Variants in EPG5 observed in about 807,000 individuals in gnomAD.
EPG5 encodes ectopic P-granules 5 autophagy tethering factor, also known as ectopic P granules protein 5 homolog.
In EPG5, 159 loss-of-function variants were observed where a neutral mutation model predicts 302.7. That is an observed-to-expected ratio of 0.53 (90% confidence interval 0.46 to 0.60). The LOEUF is 0.60. EPG5 is among the 20% of genes least tolerant of loss of function. The pLI, the probability that EPG5 is intolerant of heterozygous loss-of-function variation, is 0.00. For synonymous variants in EPG5, 1,158 were observed against 1,136.8 expected (o/e 1.02, Z -0.37); for missense variants, 2,896 against 3,092.4 (o/e 0.94, Z 1.51).
chr18:45,809,677 C>G, the EPG5 span, among the ~76,000 whole-genome samples: 1 of 152,052 alleles, frequency 6.6e-6, no homozygotes, highest in South Asian at 2.1e-4. Context: ...AACTAAACGA[C>G]AATAGTGACA....
chr18:45,824,827 G>A, the EPG5 span, among the ~76,000 whole-genome samples: 2 of 152,078 alleles, frequency 1.3e-5, no homozygotes, highest in African/African-American at 2.4e-5. Context: ...AGAGAGTATG[G>A]TAACAGGCTC....
chr18:45,821,720 T>C, the EPG5 span, among the ~76,000 whole-genome samples: 3 of 152,158 alleles, frequency 2.0e-5, no homozygotes, highest in Admixed American at 2.0e-4. Context: ...CTGCAAGGGG[T>C]TAATATACAA....
In EPG5 at chr18:45,922,396, C is replaced by T. The variant is rs1250948604; in HGVS notation, c.3043G>A (p.Ala1015Thr). 6.2e-7 allele frequency: 1 copy of T among 1,614,220 alleles called. No homozygotes were observed. The highest frequency in any genetic ancestry group is 1.1e-5 in the South Asian group (1 of 91,086). ...TFHPLLKAVKAGMPIGCYLAL... is the reference protein window; with the variant it reads ...TFHPLLKAVKTGMPIGCYLAL... ...AGATAACAGCCAATGGGCATGCCCG[C>T]TTTCACAGCCTTCAAGAGAGGATGA... Residue 1015 changes from alanine (A) to threonine (T), a missense_variant, in exon 16 of 44, where the codon GCG (alanine) becomes ACG (threonine). Ala to Thr is a moderately conservative substitution (Grantham distance 58). Coordinates refer to ENST00000282041, the MANE Select transcript of EPG5 (RefSeq NM_020964.3).
chr18:45,904,088 C>T lies in EPG5; in HGVS notation c.4359G>A (p.Glu1453=). The T allele has an allele frequency of 6.2e-7, 1 of 1,612,502 alleles. No individual in the cohort carries two copies. The highest frequency in any genetic ancestry group is 8.5e-7 in the Non-Finnish European group (1 of 1,179,742). ...QDLWMEYLNM[E]RIYHEFQETV... ...TCTCCTGAAACTCATGATAGATGCG[C>T]TCCATGTTCAAATACTCCATCCACA... Residue 1453 remains glutamate, a synonymous_variant, in exon 25 of 44, where the codon GAG becomes GAA. Coordinates refer to ENST00000282041, the MANE Select transcript of EPG5 (RefSeq NM_020964.3).
At chr18:45,886,192 T>C (rs948493079) in intron 29 of EPG5, among the ~76,000 whole-genome samples, 2 of 152,216 alleles carry the variant, frequency 1.3e-5, no homozygotes, top group African/African-American at 4.8e-5. Flanking sequence ...ACAGCAATCA[T>C]ACCTCTAAGA....
chr18:45,822,657 T>A, the EPG5 span, among the ~76,000 whole-genome samples: 33 of 152,290 alleles, frequency 2.2e-4, no homozygotes, highest in African/African-American at 7.9e-4. Flanking sequence ...ATGTACCCCA[T>A]AAATATGAAC....
chr18:45,895,270 G>A (rs1206105457), intron 27 of EPG5, among the ~76,000 whole-genome samples: 2 of 152,186 alleles, frequency 1.3e-5, no homozygotes, highest in Non-Finnish European at 2.9e-5. Context: ...GGAATATGGA[G>A]TTTGAGGTAT....
In EPG5 at chr18:45,899,510, G is replaced by A. The variant is rs2049556740; in HGVS notation, c.4703C>T (p.Thr1568Ile). 6.2e-7 allele frequency: 1 copy of A among 1,614,144 alleles called. No individual in the cohort carries two copies. The highest frequency in any genetic ancestry group is 8.5e-7 in the Non-Finnish European group (1 of 1,180,028). Reference protein sequence around the residue: ...QVALDGELLDTMPKQYVNREE... With the variant: ...QVALDGELLDIMPKQYVNREE... ...ACGATTCACATACTGCTTTGGCATT[G>A]TGTCTAACAGCTCACCATCCAGAGC... The change falls in exon 27 of 44, where the codon ACA becomes ATA. Residue 1568 changes from threonine to isoleucine, a missense_variant. Around this residue, in one of 5 missense-constraint regions of EPG5, gnomAD observed 790 missense variants for 798.0 expected, o/e 0.99. Transcript: ENST00000282041.
At chr18:45,937,699 G>A (rs543015266) in intron 10 of EPG5, among the ~76,000 whole-genome samples, 2 of 151,964 alleles carry the variant, frequency 1.3e-5, no homozygotes, top group African/African-American at 2.4e-5. Context: ...GAGCCACCAC[G>A]CCCAGCCCTG....
At chr18:45,909,127 A>G (rs1280708589) in intron 23 of EPG5, among the ~76,000 whole-genome samples, 1 of 152,158 alleles carries the variant, frequency 6.6e-6, no homozygotes, top group African/African-American at 2.4e-5. Context: ...TAAAGTGGAA[A>G]ATTACCTCCT....
intron 11 of EPG5, among the ~76,000 whole-genome samples, chr18:45,931,315 C>T (rs1200901049): frequency 2.0e-5 from 3 of 152,086 alleles, no homozygotes; most frequent in South Asian, 2.1e-4. Context: ...AAGAGATTTG[C>T]TTATGAAGAA....
At chr18:45,919,535 C>A in intron 16 of EPG5, among the ~76,000 whole-genome samples, 1 of 144,018 alleles carries the variant, frequency 6.9e-6, no homozygotes, top group African/African-American at 2.6e-5. Flanking sequence ...TTTTTTGAGA[C>A]AGAGTCTCGC....
Position 45,949,534 on chromosome 18 carries a change from T to G in EPG5, c.1447A>C (p.Ile483Leu), listed in dbSNP as rs748837273. 2 of 1,613,396 alleles carry G rather than the reference T, an allele frequency of 1.2e-6. No individual in the cohort carries two copies. Among genetic ancestry groups the G allele is most frequent in the Non-Finnish European group, 1.7e-6 (2 of 1,179,546 alleles). The change falls in exon 5 of 44, where the codon ATT becomes CTT. Residue 483 changes from isoleucine (I) to leucine (L), a missense_variant. Physicochemically the swap from Ile to Leu is conservative, Grantham distance 5. Around this residue, in one of 5 missense-constraint regions of EPG5, gnomAD observed 1,390 missense variants for 1,430.0 expected, o/e 0.97. Transcript: ENST00000282041. The stretch of plus-strand genomic sequence containing the variant: ...CTAACACCAGCGGGGCATCGAAGAA[T>G]ATGGTTTAGAAGGAAGAGGTGATCT... ...PGDHLFLLNH[I>L]LRCPAGVSKW...
At chr18:45,889,499 T>G (rs926343423) in intron 28 of EPG5, among the ~76,000 whole-genome samples, 1 of 152,246 alleles carries the variant, frequency 6.6e-6, no homozygotes, top group African/African-American at 2.4e-5. Context: ...AAACTTTTTC[T>G]ATATAGGGCC....
In EPG5 at chr18:45,899,561, G is replaced by A. The variant is rs1220446900; in HGVS notation, c.4652C>T (p.Ala1551Val). 1.2e-6 allele frequency: 2 copies of A among 1,613,902 alleles called. No homozygotes were observed. Among genetic ancestry groups the A allele is most frequent in the African/African-American group, 2.7e-5 (2 of 74,904 alleles). Residue 1551 changes from alanine (A) to valine (V), a missense_variant, in exon 27 of 44, where the codon GCA becomes GTA. This residue lies in a region of EPG5 where 790 missense variants were observed against 798.0 expected (regional missense o/e 0.99). Coordinates refer to ENST00000282041, the MANE Select transcript of EPG5 (RefSeq NM_020964.3). ...AACCTGCTGAGATTCCCGAAGAGCT[G>A]CGGTTCTGAAAAACATCATCAGGAG... ...LNLLQQQART[A>V]ALRESQQVAL...
chr18:45,829,117 G>A, the EPG5 span: 1 of 985,684 alleles, frequency 1.0e-6, no homozygotes, highest in Non-Finnish European at 1.2e-6. Flanking sequence ...CTGAAGAGCA[G>A]CACTCTGGGG....
At chr18:45,955,377 A>T in intron 1 of EPG5, 39 bp from the exon 2 acceptor site, 1 of 1,339,732 alleles carries the variant, frequency 7.5e-7, no homozygotes, top group Non-Finnish European at 1.0e-6. Context: ...ATTTATCACA[A>T]TAATTAATGC....
chr18:45,905,447 T>C (rs1052714231), intron 24 of EPG5, among the ~76,000 whole-genome samples: 4 of 152,152 alleles, frequency 2.6e-5, no homozygotes, highest in Non-Finnish European at 4.4e-5. Context: ...GGAGCTCCAA[T>C]GTAATCCTGA....
In EPG5 at chr18:45,894,391, C is replaced by T. The variant is rs748740699; in HGVS notation, c.4810-4451G>A. On this transcript the variant is annotated intron_variant, in intron 27 of 43. Coordinates refer to ENST00000282041, the MANE Select transcript of EPG5 (RefSeq NM_020964.3). ...AGGAGAATTGTTTGAACCCAGGAGG[C>T]GGAGGATGCAGTGAGTGCCACTGCA... Among the ~76,000 whole-genome samples, 45 of 151,752 alleles carry T rather than the reference C, an allele frequency of 3.0e-4. 1 individual carries two copies. The highest frequency in any genetic ancestry group is 5.9e-5 in the Non-Finnish European group (4 of 67,948).
Sources: gnomAD v4.1 joint callset for allele counts (sites outside exome capture counted in the v4.1 genomes callset) on GRCh38, gnomAD v4.1.1 for gene constraint, gnomAD v4.1.1 regional missense constraint, MANE v1.5 for transcripts, NCBI Gene and HGNC (gene_info 2026-07-23, HGNC 2026-07-21) for gene names.